SBF2: variants seen among roughly 807,000 people sequenced by gnomAD.
SBF2 encodes SET binding factor 2, also known as myotubularin-related protein 13.
In SBF2, 112 loss-of-function variants were observed where a neutral mutation model predicts 225.2. That is an observed-to-expected ratio of 0.50 (90% confidence interval 0.43 to 0.58). SBF2 has a LOEUF of 0.58. Among genes scored for constraint, SBF2 ranks in the 20% least tolerant of loss-of-function variants. The probability of loss-of-function intolerance (pLI) is 0.00; values close to 1 mark genes in which losing one functional copy is unlikely to be tolerated. For missense variants in SBF2, 1,996 were observed against 2,206.2 expected (o/e 0.90, Z 1.91); for synonymous variants, 763 against 773.3 (o/e 0.99, Z 0.22).
At chr11:10,224,427 A>C (rs1046569997) in intron 1 of SBF2, among the ~76,000 whole-genome samples, 3 of 152,076 alleles carry the variant, frequency 2.0e-5, no homozygotes, top group Non-Finnish European at 4.4e-5. Flanking sequence ...ATGTCACTTT[A>C]CTTCATTTGC....
chr11:10,250,254 G>T (rs61889802), intron 1 of SBF2, among the ~76,000 whole-genome samples: 12,774 of 152,114 alleles, frequency 0.084, 781 homozygotes, highest in Non-Finnish European at 0.11. Flanking sequence ...GAACTCCATG[G>T]TCTAAGTTAA....
chr11:10,294,829 C>A (rs765761704), upstream of SBF2, among the ~76,000 whole-genome samples: 2 of 152,244 alleles, frequency 1.3e-5, no homozygotes, highest in African/African-American at 4.8e-5. Context: ...GCGGCATCCC[C>A]GGGATCCTCC....
intron 16 of SBF2, among the ~76,000 whole-genome samples, chr11:9,919,805 C>G (rs933056541): frequency 3.0e-4 from 46 of 152,194 alleles, no homozygotes; most frequent in African/African-American, 1.0e-3. Context: ...CCCTTAGGCT[C>G]ACTACAACCT....
chr11:9,995,078 A>G (rs746692175), intron 9 of SBF2, among the ~76,000 whole-genome samples: 135 of 152,284 alleles, frequency 8.9e-4, no homozygotes, highest in East Asian at 1.3e-3. Context: ...GAGACAGAAA[A>G]TAAGATTTTG....
intron 16 of SBF2, among the ~76,000 whole-genome samples, chr11:9,930,487 G>A (rs981181839): frequency 6.6e-6 from 1 of 152,202 alleles, no homozygotes; most frequent in Non-Finnish European, 1.5e-5. Context: ...GAGAAGAGGG[G>A]AGAGTATCCT....
At chr11:10,256,722 A>G (rs1960896872) in intron 1 of SBF2, among the ~76,000 whole-genome samples, 1 of 151,774 alleles carries the variant, frequency 6.6e-6, no homozygotes, top group African/African-American at 2.4e-5. Context: ...TATACACAAT[A>G]CTCCTTTCAC....
At chr11:10,272,928 G>A (rs1166105708) in intron 1 of SBF2, among the ~76,000 whole-genome samples, 1 of 152,036 alleles carries the variant, frequency 6.6e-6, no homozygotes, top group Non-Finnish European at 1.5e-5. Flanking sequence ...AAATTAGCCA[G>A]GCATGGTGGC....
Position 9,847,039 on chromosome 11 carries a change from T to C in SBF2, c.2851A>G (p.Thr951Ala), listed in dbSNP as rs1188784396. 1.9e-6 allele frequency: 3 copies of C among 1,613,828 alleles called. No homozygotes were observed. In the South Asian group the frequency reaches 3.3e-5, roughly 18 times the overall value. The stretch of plus-strand genomic sequence containing the variant: ...TGCATTGTAATCTTCTTCTCCTTGG[T>C]GATGGAGGCAATGGGAAAGCTCCGC... ...VVRSFPIASI[T>A]KEKKITMQNQ... Residue 951 changes from threonine to alanine, a missense_variant, in exon 23 of 40, where the codon ACC becomes GCC. By Grantham distance (58) the Thr-to-Ala change is moderately conservative (BLOSUM62 0). Coordinates refer to ENST00000256190, the MANE Select transcript of SBF2 (RefSeq NM_030962.4).
intron 4 of SBF2, among the ~76,000 whole-genome samples, chr11:10,030,241 T>C (rs1949205054): frequency 6.6e-6 from 1 of 152,226 alleles, no homozygotes; most frequent in Non-Finnish European, 1.5e-5. Context: ...TGGTGGTTCT[T>C]ATAAATCCGG....
At chr11:9,974,205 T>C (rs1590651963) in intron 13 of SBF2, among the ~76,000 whole-genome samples, 1 of 152,146 alleles carries the variant, frequency 6.6e-6, no homozygotes, top group African/African-American at 2.4e-5. Flanking sequence ...TTAATACAAG[T>C]AGATGACTTT....
chr11:10,006,819 C>T (rs1289446915), intron 6 of SBF2, among the ~76,000 whole-genome samples: 4 of 152,142 alleles, frequency 2.6e-5, no homozygotes, highest in Non-Finnish European at 5.9e-5. Flanking sequence ...GGAAGTTCAG[C>T]CCCCTTGCAG....
At chr11:10,146,356 G>C (rs973731917) in intron 2 of SBF2, among the ~76,000 whole-genome samples, 1 of 152,012 alleles carries the variant, frequency 6.6e-6, no homozygotes, top group Non-Finnish European at 1.5e-5. Flanking sequence ...ACAGCACGGG[G>C]CTGCCACAAA....
At chr11:9,986,155 A>AGGTTTTGTATTTAATTTGT (rs1203310300) in intron 13 of SBF2, among the ~76,000 whole-genome samples, 1 of 152,190 alleles carries the variant, frequency 6.6e-6, no homozygotes, top group African/African-American at 2.4e-5. Flanking sequence ...AAATACATGG[A>AGGTTTTGTATTTAATTTGT]ATTTAAATAA....
chr11:9,999,696 T>C (rs1379580012), intron 8 of SBF2, among the ~76,000 whole-genome samples: 1 of 152,180 alleles, frequency 6.6e-6, no homozygotes, highest in African/African-American at 2.4e-5. Flanking sequence ...CTAGTATTAA[T>C]TAGGTTTTAT....
At chr11:10,016,709 A>G (rs1948666416) in intron 6 of SBF2, 1 of 152,040 alleles carries the variant, frequency 6.6e-6, no homozygotes, top group African/African-American at 2.4e-5. Flanking sequence ...GATGGTCTCG[A>G]TCTCCTGACC....
intron 2 of SBF2, among the ~76,000 whole-genome samples, chr11:10,056,587 A>G (rs11824537): frequency 0.015 from 2,212 of 152,280 alleles, 37 homozygotes; most frequent in African/African-American, 0.038. Context: ...TCGTATATTG[A>G]TTTTGTATCC....
chr11:10,282,800 T>C (rs1963502037), intron 1 of SBF2, among the ~76,000 whole-genome samples: 1 of 152,146 alleles, frequency 6.6e-6, no homozygotes, highest in African/African-American at 2.4e-5. Flanking sequence ...AGCTACCATT[T>C]TTCAACAGAC....
At chr11:9,895,350 C>G (rs897567060) in intron 17 of SBF2, among the ~76,000 whole-genome samples, 2 of 152,088 alleles carry the variant, frequency 1.3e-5, no homozygotes, top group African/African-American at 4.8e-5. Flanking sequence ...GGGTGGTTAT[C>G]TAATTCTTTA....
chr11:10,028,784 C>T (rs529889767), intron 5 of SBF2, among the ~76,000 whole-genome samples: 1 of 152,030 alleles, frequency 6.6e-6, no homozygotes, highest in Non-Finnish European at 1.5e-5. Context: ...AGATAAGACA[C>T]AAAAATCATT....
Sources: allele counts gnomAD v4.1 joint callset (sites outside exome capture counted in the v4.1 genomes callset), GRCh38; gene constraint gnomAD v4.1.1; transcripts MANE v1.5; gene names NCBI Gene and HGNC (gene_info 2026-07-23, HGNC 2026-07-21).